Variants in TNFRSF13B observed in about 807,000 individuals in gnomAD.
TNFRSF13B encodes the protein tumor necrosis factor receptor superfamily member 13B.
Under a neutral mutation model 24.0 loss-of-function variants are expected in TNFRSF13B, and 34 were observed. The observed-to-expected ratio is 1.41, with a 90% CI of 1.08 to 1.88. The LOEUF is 1.88. Among genes scored for constraint, TNFRSF13B ranks in the 40% most tolerant of loss-of-function variants. The probability of loss-of-function intolerance (pLI) is 0.00; values close to 1 mark genes in which losing one functional copy is unlikely to be tolerated. For synonymous variants in TNFRSF13B, 173 were observed against 150.3 expected (o/e 1.15, Z -1.10); for missense variants, 415 against 380.8 (o/e 1.09, Z -0.75).
intron 4 of TNFRSF13B, 78 bp from the exon 5 acceptor site, chr17:16,939,875 C>A: frequency 2.0e-6 from 3 of 1,482,986 alleles, no homozygotes; most frequent in Middle Eastern, 2.5e-4. Flanking sequence ...GGCAGCCGCA[C>A]TCTCCCCCGA....
intron 1 of TNFRSF13B, among the ~76,000 whole-genome samples, chr17:16,964,431 C>A (rs1307061915): frequency 6.9e-6 from 1 of 145,104 alleles, no homozygotes; most frequent in African/African-American, 2.6e-5. Flanking sequence ...CAACCTCTGC[C>A]TTCCGAGTTC....
In TNFRSF13B at chr17:16,945,813, C is replaced by T. The variant is rs934323644; in HGVS notation, c.445+2925G>A. Among the ~76,000 whole-genome samples, 9 of 152,208 alleles carry T rather than the reference C, an allele frequency of 5.9e-5. No individual in the cohort carries two copies. The South Asian group carries it at 1.9e-3, about 32-fold the overall frequency. On this transcript the variant is annotated intron_variant, in intron 3 of 4. Transcript: ENST00000261652. ...GCTACAGGTTTCCCCCCTCCCCCAG[C>T]TTGCTCCTTCCACCAAGAGGTGGCG...
In TNFRSF13B at chr17:16,972,040, C is replaced by T; in HGVS notation, c.36G>A (p.Arg12=). 1.2e-6 allele frequency: 2 copies of T among 1,614,126 alleles called. No individual in the cohort carries two copies. The highest frequency in any genetic ancestry group is 1.7e-6 in the Non-Finnish European group (2 of 1,180,034). ...SGLGRSRRGG[R]SRVDQEERFP... ...AGCGCTCCTCCTGGTCCACACGGCT[C>T]CGGCCACCTCGCCTGCTCCGGCCCA... is the stretch of plus-strand genomic sequence containing the variant. Residue 12 remains arginine (R), a synonymous_variant, in exon 1 of 5, where the codon CGG becomes CGA. Transcript: ENST00000261652.
chr17:16,968,144 AAAAAAAAAAAAAG>A (rs2087718380), intron 1 of TNFRSF13B, among the ~76,000 whole-genome samples: 1 of 106,336 alleles, frequency 9.4e-6, no homozygotes, highest in African/African-American at 3.1e-5. Flanking sequence ...CCTGTCTCAA[AAAAAAAAAAAAAG>A]AAAAAAGAAA....
Position 16,972,083 on chromosome 17 carries a change from G to A in TNFRSF13B, c.-8C>T. ...CCGGCCCAGGCCACTCATTACTCAG[G>A]ATGCTTATTACTAGTCTTAGATTTG... On this transcript the variant is annotated 5_prime_UTR_variant, in exon 1 of 5. Transcript: ENST00000261652. The A allele has an allele frequency of 6.2e-7, 1 of 1,613,802 alleles. No homozygotes were observed. The highest frequency in any genetic ancestry group is 1.1e-5 in the South Asian group (1 of 91,086).
intron 1 of TNFRSF13B, among the ~76,000 whole-genome samples, chr17:16,969,226 G>A (rs190302791): frequency 5.3e-5 from 8 of 152,184 alleles, no homozygotes; most frequent in Non-Finnish European, 1.0e-4. Context: ...ATGAAGACAT[G>A]TTCACCCAAA....
chr17:16,970,754 G>T (rs35932735), intron 1 of TNFRSF13B, among the ~76,000 whole-genome samples: 20,467 of 152,212 alleles, frequency 0.13, 1,753 homozygotes, highest in East Asian at 0.45. Flanking sequence ...GTCCTGACTC[G>T]TGGCCCCAGA....
chr17:16,957,816 T>C (rs1160483508), intron 1 of TNFRSF13B, among the ~76,000 whole-genome samples: 2 of 152,206 alleles, frequency 1.3e-5, no homozygotes, highest in African/African-American at 4.8e-5. Flanking sequence ...ATCTGAGCAG[T>C]GCATTATCAG....
chr17:16,956,428 G>A (rs538558298), intron 1 of TNFRSF13B, among the ~76,000 whole-genome samples: 1 of 152,274 alleles, frequency 6.6e-6, no homozygotes, highest in South Asian at 2.1e-4. Flanking sequence ...ACCATTTCCA[G>A]GGACGTCTAT....
Position 16,948,846 on chromosome 17 carries a change from T to A in TNFRSF13B, c.337A>T (p.Asn113Tyr), listed in dbSNP as rs909282292. 1.2e-6 allele frequency: 2 copies of A among 1,614,134 alleles called. No homozygotes were observed. Among genetic ancestry groups the A allele is most frequent in the Non-Finnish European group, 1.7e-6 (2 of 1,180,054 alleles). ...TGTCTCCTGAGCTCTGGTGGAAGGT[T>A]CACTGGGCTCCTGAGCTTGTTCTCA... ...FCENKLRSPV[N>Y]LPPELRRQRS... is the part of the protein sequence containing the mutation. Residue 113 changes from asparagine to tyrosine, a missense_variant, in exon 3 of 5, where the codon AAC (asparagine) becomes TAC (tyrosine). Coordinates refer to ENST00000261652, the MANE Select transcript of TNFRSF13B (RefSeq NM_012452.3).
intron 3 of TNFRSF13B, among the ~76,000 whole-genome samples, chr17:16,941,818 G>C (rs969874795): frequency 8.6e-5 from 13 of 151,996 alleles, no homozygotes; most frequent in African/African-American, 2.9e-4. Flanking sequence ...CTGTCTCTGT[G>C]GATTTGCCTA....
rs756655390 is a variant in TNFRSF13B, at chr17:16,952,480, G to A, written c.165C>T (p.Asn55=). 2 of 1,614,204 alleles carry A rather than the reference G, an allele frequency of 1.2e-6. No homozygotes were observed. The highest frequency in any genetic ancestry group is 2.2e-5 in the East Asian group (1 of 44,884). ...GTCMSCKTIC[N]HQSQRTCAAF... ...CTGCACAGGTGCGCTGGCTCTGATG[G>A]TTGCAAATGGTTTTGCAGGACATGC... is the stretch of plus-strand genomic sequence containing the variant. The change falls in exon 2 of 5, where the codon AAC becomes AAT. Residue 55 remains asparagine, a synonymous_variant. Transcript: ENST00000261652.
intron 3 of TNFRSF13B, among the ~76,000 whole-genome samples, chr17:16,945,816 G>C (rs1319589338): frequency 6.6e-6 from 1 of 152,096 alleles, no homozygotes; most frequent in Non-Finnish European, 1.5e-5. Flanking sequence ...CCCCCAGCTT[G>C]CTCCTTCCAC....
At chr17:16,957,447 T>C (rs2087632852) in intron 1 of TNFRSF13B, among the ~76,000 whole-genome samples, 1 of 152,104 alleles carries the variant, frequency 6.6e-6, no homozygotes, top group Non-Finnish European at 1.5e-5. Context: ...GAAGGAATAA[T>C]GGCCCCAAAT....
At chr17:16,970,300 A>C (rs1597671335) in intron 1 of TNFRSF13B, among the ~76,000 whole-genome samples, 1 of 151,854 alleles carries the variant, frequency 6.6e-6, no homozygotes. Flanking sequence ...CTGGGCTCAG[A>C]CTCTGGGCCG....
chr17:16,940,126 C>T, intron 4 of TNFRSF13B, 200 bp downstream of exon 4: 1 of 1,381,146 alleles, frequency 7.2e-7, no homozygotes, highest in Non-Finnish European at 9.6e-7. Context: ...CACCCCACAC[C>T]CACCCTTCCC....
At chr17:16,960,509 G>A (rs188327904) in intron 1 of TNFRSF13B, among the ~76,000 whole-genome samples, 39 of 152,244 alleles carry the variant, frequency 2.6e-4, no homozygotes, top group African/African-American at 8.4e-4. Flanking sequence ...CCATTCAATG[G>A]GGAAAAGGAC....
chr17:16,951,842 C>T (rs1042802243), intron 2 of TNFRSF13B, among the ~76,000 whole-genome samples: 3 of 152,012 alleles, frequency 2.0e-5, no homozygotes, highest in Non-Finnish European at 2.9e-5. Flanking sequence ...GAGCCAAGAT[C>T]GCACCATTGC....
At chr17:16,943,095 G>A (rs555155684) in intron 3 of TNFRSF13B, among the ~76,000 whole-genome samples, 1 of 152,320 alleles carries the variant, frequency 6.6e-6, no homozygotes, top group South Asian at 2.1e-4. Flanking sequence ...AGCCTCCAAT[G>A]GCTCTATCCC....
Sources: allele counts gnomAD v4.1 joint callset (sites outside exome capture counted in the v4.1 genomes callset), GRCh38; gene constraint gnomAD v4.1.1; transcripts MANE v1.5; gene names NCBI Gene and HGNC (gene_info 2026-07-23, HGNC 2026-07-21).